The following FBN2 variants were observed in gnomAD, a reference collection of about 807,000 sequenced individuals.
The protein encoded by FBN2 is fibrillin 2, also known as fibrillin-2.
Under a neutral mutation model 355.6 loss-of-function variants are expected in FBN2, and 105 were observed. The observed-to-expected ratio is 0.30, with a 90% CI of 0.25 to 0.35. The LOEUF (loss-of-function observed/expected upper bound fraction) is 0.35. FBN2 is among the 10% of genes least tolerant of loss of function. FBN2 has a pLI of 1.00. For synonymous variants in FBN2, 1,350 were observed against 1,301.2 expected, an observed-to-expected ratio of 1.04 and a Z score of -0.81; for missense variants, 3,280 against 3,758.7, an observed-to-expected ratio of 0.87 and a Z score of 3.33.
At chr5:128,371,067 G>A (rs895113902) in intron 15 of FBN2, 2 of 152,008 alleles carry the variant, frequency 1.3e-5, no homozygotes, top group Non-Finnish European at 2.9e-5. Flanking sequence ...AAAAAATGGT[G>A]ACCACCTTAT....
At chr5:128,301,761 T>C (rs1387508176) in intron 46 of FBN2, among the ~76,000 whole-genome samples, 2 of 152,194 alleles carry the variant, frequency 1.3e-5, no homozygotes, top group Non-Finnish European at 2.9e-5. Flanking sequence ...CTCATGAATT[T>C]AGAACCAGAT....
chr5:128,291,711 C>A, intron 48 of FBN2, 57 bp from the exon 49 acceptor site: 1 of 1,511,890 alleles, frequency 6.6e-7, no homozygotes, highest in Non-Finnish European at 9.2e-7. Context: ...AAACAATTGT[C>A]CATACTATCA....
chr5:128,529,480 A>C (rs1487588138), intron 3 of FBN2, among the ~76,000 whole-genome samples: 1 of 152,210 alleles, frequency 6.6e-6, no homozygotes, highest in East Asian at 1.9e-4. Context: ...GGGTTAGAAA[A>C]GTTCCTGATG....
chr5:128,491,131 C>T (rs186964314), intron 5 of FBN2, among the ~76,000 whole-genome samples: 3 of 151,870 alleles, frequency 2.0e-5, no homozygotes, highest in East Asian at 3.9e-4. Flanking sequence ...GGTAAGGAGA[C>T]GAGAAAATTA....
chr5:128,279,865 C>T (rs1765489374), intron 56 of FBN2, among the ~76,000 whole-genome samples: 1 of 152,100 alleles, frequency 6.6e-6, no homozygotes, highest in Non-Finnish European at 1.5e-5. Context: ...CAGAGCTTAC[C>T]TCATATTGCA....
chr5:128,346,033 A>C (rs1411673001), intron 23 of FBN2, among the ~76,000 whole-genome samples: 1 of 152,200 alleles, frequency 6.6e-6, no homozygotes, highest in Non-Finnish European at 1.5e-5. Context: ...CTACAAAAGA[A>C]AGTGTTATAA....
At chr5:128,463,264 A>C (rs1332451414) in intron 6 of FBN2, among the ~76,000 whole-genome samples, 1 of 152,112 alleles carries the variant, frequency 6.6e-6, no homozygotes, top group Non-Finnish European at 1.5e-5. Flanking sequence ...AAACTGTTGC[A>C]CTACCAGGAA....
intron 8 of FBN2, among the ~76,000 whole-genome samples, chr5:128,399,716 CT>C (rs1298301682): frequency 6.6e-6 from 1 of 151,850 alleles, no homozygotes. Context: ...CTTAAATATT[CT>C]TTTATTATTT....
At chr5:128,268,784 A>G (rs1490554005) in intron 62 of FBN2, among the ~76,000 whole-genome samples, 1 of 152,234 alleles carries the variant, frequency 6.6e-6, no homozygotes, top group Non-Finnish European at 1.5e-5. Context: ...CCACATGATT[A>G]TCTCAATAGA....
intron 5 of FBN2, among the ~76,000 whole-genome samples, chr5:128,514,382 T>G (rs1756222103): frequency 1.3e-5 from 2 of 152,148 alleles, no homozygotes; most frequent in African/African-American, 2.4e-5. Context: ...GCTCTCTTAC[T>G]TTTTGTTCCT....
chr5:128,311,895 G>T lies in FBN2; in HGVS notation c.4938C>A (p.Ile1646=), dbSNP rs773597432. The change falls in exon 38 of 65, where the codon ATC becomes ATA. Residue 1646 remains isoleucine, a synonymous_variant. Coordinates refer to ENST00000262464, the MANE Select transcript of FBN2 (RefSeq NM_001999.4). Reference sequence around the variant, plus strand: ...ATGGGATTAGCTCACCTTCTAAAATGATTGTGATGGGGTTAGGTCTGAAGC... The same window carrying T: ...ATGGGATTAGCTCACCTTCTAAAATTATTGTGATGGGGTTAGGTCTGAAGC... ...GEGFRPNPIT[I]ILEDIDECQE... is the part of the protein sequence containing the mutation. 6.2e-7 allele frequency: 1 copy of T among 1,608,602 alleles called. No individual in the cohort carries two copies. Among genetic ancestry groups the T allele is most frequent in the Non-Finnish European group, 8.5e-7 (1 of 1,175,106 alleles).
chr5:128,364,166 T>TA (rs1295424894), intron 18 of FBN2, among the ~76,000 whole-genome samples: 10 of 152,200 alleles, frequency 6.6e-5, no homozygotes, highest in African/African-American at 2.4e-4. Flanking sequence ...AAAAAGGAAA[T>TA]ACCTTTGTCT....
At chr5:128,325,052 G>A (rs1239030017) in intron 34 of FBN2, among the ~76,000 whole-genome samples, 1 of 152,194 alleles carries the variant, frequency 6.6e-6, no homozygotes, top group East Asian at 1.9e-4. Flanking sequence ...TTTAGAATAA[G>A]TGCTATGTGG....
chr5:128,356,035 A>T (rs1297389903), intron 20 of FBN2, among the ~76,000 whole-genome samples: 3 of 152,244 alleles, frequency 2.0e-5, no homozygotes, highest in African/African-American at 7.2e-5. Context: ...ATTAATGCTG[A>T]ATTCATTTCC....
chr5:128,484,952 T>C (rs1338772884), intron 5 of FBN2, among the ~76,000 whole-genome samples: 1 of 152,060 alleles, frequency 6.6e-6, no homozygotes, highest in East Asian at 1.9e-4. Flanking sequence ...AAGTTGAAGA[T>C]ACATACGCAT....
chr5:128,440,743 T>A (rs1267526016), intron 7 of FBN2, among the ~76,000 whole-genome samples: 1 of 152,252 alleles, frequency 6.6e-6, no homozygotes, highest in African/African-American at 2.4e-5. Flanking sequence ...TCTAAAGTCA[T>A]AATGAATGAA....
Position 128,328,417 on chromosome 5 carries a change from G to A in FBN2, c.4471+279C>T. ...TTTCTCCACATGTCATTCATTTAGT[G>A]ATAAAAAAGAGAAAGAAGAGAAGAA... On this transcript the variant is annotated intron_variant, in intron 34 of 64. Coordinates refer to ENST00000262464, the MANE Select transcript of FBN2 (RefSeq NM_001999.4). 8.3e-6 allele frequency: 5 copies of A among 603,086 alleles called. No individual in the cohort carries two copies. The South Asian group carries it at 1.0e-4, about 12-fold the overall frequency. The allele number at this position is 603,086 out of a possible 1,614,324, so 37.4% of individuals were successfully genotyped here.
chr5:128,294,451 C>A (rs113901249), intron 48 of FBN2, among the ~76,000 whole-genome samples: 2 of 152,090 alleles, frequency 1.3e-5, no homozygotes, highest in Non-Finnish European at 2.9e-5. Flanking sequence ...TACAGTCCCA[C>A]CAACAGTGTA....
Position 128,305,888 on chromosome 5 carries a change from A to T in FBN2, c.5483T>A (p.Ile1828Asn). 4 of 1,613,866 alleles carry T rather than the reference A, an allele frequency of 2.5e-6. No homozygotes were observed. The South Asian group carries it at 4.4e-5, about 18-fold the overall frequency. The change falls in exon 43 of 65, where the codon ATT (isoleucine) becomes AAT (asparagine). Residue 1828 changes from isoleucine (I) to asparagine (N), a missense_variant. Ile to Asn is a moderately radical substitution (Grantham distance 149). This residue lies in a region of FBN2 where 2,284 missense variants were observed against 2,749.5 expected (regional missense o/e 0.83). Transcript: ENST00000262464. ...AGGGCATTCACAGCGGAAACTGCCA[A>T]TCTGGTTAATGCACACACCATTTGC... ...ICANGVCINQ[I>N]GSFRCECPTG...
Sources: allele counts gnomAD v4.1 joint callset (sites outside exome capture counted in the v4.1 genomes callset), GRCh38; gene constraint gnomAD v4.1.1; regional missense constraint gnomAD v4.1.1; transcripts MANE v1.5; gene names NCBI Gene and HGNC (gene_info 2026-07-23, HGNC 2026-07-21).